The following HS3ST3A1 variants were observed in gnomAD, a reference collection of about 807,000 sequenced individuals.
HS3ST3A1 encodes heparan sulfate-glucosamine 3-sulfotransferase 3A1.
A neutral mutation model predicts 25.7 loss-of-function variants in HS3ST3A1; 19 were observed. The ratio of observed to expected loss-of-function variants is 0.74; its 90% CI spans 0.52 to 1.08. The LOEUF is 1.08. Ranked by LOEUF, HS3ST3A1 falls within the 50% of genes least tolerant of loss-of-function variation. The pLI is 0.00. For missense variants in HS3ST3A1, 459 were observed against 594.3 expected, an observed-to-expected ratio of 0.77 and a Z score of 2.37; for synonymous variants, 226 against 278.6, an observed-to-expected ratio of 0.81 and a Z score of 1.88.
At chr17:13,562,885 A>G (rs1907584293) in intron 1 of HS3ST3A1, among the ~76,000 whole-genome samples, 1 of 152,020 alleles carries the variant, frequency 6.6e-6, no homozygotes, top group South Asian at 2.1e-4. Context: ...TTTTCTGCCT[A>G]ACTTTTGTTG....
At chr17:13,580,053 CTTGCATTTGCCA>C (rs1289761629) in intron 1 of HS3ST3A1, among the ~76,000 whole-genome samples, 2 of 151,130 alleles carry the variant, frequency 1.3e-5, no homozygotes, top group South Asian at 2.1e-4. Flanking sequence ...TTTGCCATGT[CTTGCATTTGCCA>C]TTGCATTTGC....
rs189433527 is a variant in HS3ST3A1 at position 13,505,230 on chromosome 17, G to A, written c.600-8412C>T. The stretch of plus-strand genomic sequence containing the variant: ...ATTACAAAAATAGTATACAGACGAC[G>A]GCTCCAATGGAGCAAATTCGACAGA... On this transcript the variant is annotated intron_variant, in intron 1 of 1. Coordinates refer to ENST00000284110, the MANE Select transcript of HS3ST3A1 (RefSeq NM_006042.3). Among the ~76,000 whole-genome samples, 12 of 152,204 alleles carry A rather than the reference G, an allele frequency of 7.9e-5. No individual in the cohort carries two copies. The East Asian group carries it at 1.4e-3, about 17-fold the overall frequency.
At chr17:13,535,106 G>A (rs1906731378) in intron 1 of HS3ST3A1, among the ~76,000 whole-genome samples, 1 of 152,148 alleles carries the variant, frequency 6.6e-6, no homozygotes, top group South Asian at 2.1e-4. Flanking sequence ...AGGAAACATA[G>A]GGCTAGGTTC....
At chr17:13,497,648 AG>A (rs1322986051) in intron 1 of HS3ST3A1, among the ~76,000 whole-genome samples, 1 of 152,246 alleles carries the variant, frequency 6.6e-6, no homozygotes, top group Non-Finnish European at 1.5e-5. Context: ...GGCCTCAGTC[AG>A]GGCCAGTCAA....
At chr17:13,595,702 T>C (rs1908555845) in intron 1 of HS3ST3A1, among the ~76,000 whole-genome samples, 1 of 152,226 alleles carries the variant, frequency 6.6e-6, no homozygotes. Flanking sequence ...TTCAGCCAAG[T>C]TACTATCACT....
chr17:13,565,751 G>T (rs1452240627), intron 1 of HS3ST3A1, among the ~76,000 whole-genome samples: 1 of 152,018 alleles, frequency 6.6e-6, no homozygotes, highest in Non-Finnish European at 1.5e-5. Context: ...TTTTCCTTCT[G>T]GATTCAGTCT....
rs200614314 is a variant in HS3ST3A1, at chr17:13,600,978, C to T, written c.152G>A (p.Gly51Asp). The T allele has an allele frequency of 2.9e-3, 4,509 of 1,561,014 alleles. 15 individuals carry two copies. The highest frequency in any genetic ancestry group is 3.5e-3 in the Non-Finnish European group (3,989 of 1,153,584). ...GCCGCCGGACAGCCCCACGACGGGG[C>T]CGGACAGGGTCTGGCAGCGCTCGGC... The part of the protein sequence containing the change: ...CLAERCQTLS[G>D]PVVGLSGGGE... The change falls in exon 1 of 2, where the codon GGC becomes GAC. Residue 51 changes from glycine to aspartate, a missense_variant. Transcript: ENST00000284110.
intron 1 of HS3ST3A1, among the ~76,000 whole-genome samples, chr17:13,534,924 G>A (rs1906724262): frequency 6.6e-6 from 1 of 152,176 alleles, no homozygotes; most frequent in African/African-American, 2.4e-5. Context: ...TACTAGGGAG[G>A]CTGAGGCAGG....
chr17:13,555,352 CA>C (rs1907344881), intron 1 of HS3ST3A1, among the ~76,000 whole-genome samples: 1 of 152,180 alleles, frequency 6.6e-6, no homozygotes, highest in African/African-American at 2.4e-5. Flanking sequence ...TCGCATTCAA[CA>C]TTAAACCCAT....
intron 1 of HS3ST3A1, among the ~76,000 whole-genome samples, chr17:13,500,160 T>A (rs751196623): frequency 6.6e-6 from 1 of 152,212 alleles, no homozygotes; most frequent in Non-Finnish European, 1.5e-5. Flanking sequence ...AGCACCACAC[T>A]GTCATATAAA....
chr17:13,579,440 C>T (rs1324968732), intron 1 of HS3ST3A1, among the ~76,000 whole-genome samples: 1 of 152,072 alleles, frequency 6.6e-6, no homozygotes, highest in Non-Finnish European at 1.5e-5. Context: ...GTGGCTCACT[C>T]TTGTAATCCC....
chr17:13,526,472 TTTTATA>T (rs1462002595), intron 1 of HS3ST3A1, among the ~76,000 whole-genome samples: 587 of 58,336 alleles, frequency 0.01, 18 homozygotes, highest in African/African-American at 0.028. Flanking sequence ...CAACTTTAAT[TTTTATA>T]TATATATATA....
At chr17:13,522,655 G>A (rs1906284312) in intron 1 of HS3ST3A1, among the ~76,000 whole-genome samples, 1 of 152,112 alleles carries the variant, frequency 6.6e-6, no homozygotes, top group Non-Finnish European at 1.5e-5. Context: ...ACAGACAGAT[G>A]ACACAGGTCA....
intron 1 of HS3ST3A1, among the ~76,000 whole-genome samples, chr17:13,520,049 T>C (rs2142317118): frequency 6.6e-6 from 1 of 152,334 alleles, no homozygotes; most frequent in African/African-American, 2.4e-5. Flanking sequence ...TTTCTGTATC[T>C]TAGTTTCCTC....
intron 1 of HS3ST3A1, among the ~76,000 whole-genome samples, chr17:13,564,958 G>A (rs532927803): frequency 8.5e-5 from 13 of 152,218 alleles, no homozygotes; most frequent in African/African-American, 3.1e-4. Flanking sequence ...CTGACCTCAA[G>A]TGATCTGCCT....
At chr17:13,518,492 T>C (rs552004965) in intron 1 of HS3ST3A1, among the ~76,000 whole-genome samples, 1 of 152,356 alleles carries the variant, frequency 6.6e-6, no homozygotes, top group Non-Finnish European at 1.5e-5. Flanking sequence ...AGGTTGAGTG[T>C]GTTGACGGGT....
intron 1 of HS3ST3A1, among the ~76,000 whole-genome samples, chr17:13,574,408 C>T (rs546927289): frequency 8.6e-5 from 13 of 151,324 alleles, no homozygotes; most frequent in South Asian, 6.3e-4. Flanking sequence ...TGAGCCACTG[C>T]GCCCGGCCCT....
At chr17:13,529,472 A>G (rs575178605) in intron 1 of HS3ST3A1, among the ~76,000 whole-genome samples, 2 of 152,318 alleles carry the variant, frequency 1.3e-5, no homozygotes, top group Admixed American at 1.3e-4. Flanking sequence ...AAAATTACCA[A>G]ACTGCATTCC....
At chr17:13,516,350 T>G (rs1403095890) in intron 1 of HS3ST3A1, among the ~76,000 whole-genome samples, 1 of 152,182 alleles carries the variant, frequency 6.6e-6, no homozygotes, top group East Asian at 1.9e-4. Context: ...AAGTTCTTTA[T>G]ATATTCAAAA....
Sources: gnomAD v4.1 joint callset for allele counts (sites outside exome capture counted in the v4.1 genomes callset) on GRCh38, gnomAD v4.1.1 for gene constraint, MANE v1.5 for transcripts, NCBI Gene and HGNC (gene_info 2026-07-23, HGNC 2026-07-21) for gene names.